GRB14: variants seen among roughly 807,000 people sequenced by gnomAD.
The protein encoded by GRB14 is growth factor receptor-bound protein 14.
A neutral mutation model predicts 69.1 loss-of-function variants in GRB14; 38 were observed. The observed-to-expected ratio is 0.55, with a 90% CI of 0.42 to 0.72. The LOEUF (loss-of-function observed/expected upper bound fraction) is 0.72. Among genes scored for constraint, GRB14 ranks in the 30% least tolerant of loss-of-function variants. The probability of loss-of-function intolerance (pLI) is 0.00; values close to 1 mark genes in which losing one functional copy is unlikely to be tolerated. For synonymous variants in GRB14, 247 were observed against 241.3 expected, an observed-to-expected ratio of 1.02 and a Z score of -0.22; for missense variants, 666 against 666.1, an observed-to-expected ratio of 1.00 and a Z score of 0.00.
At chr2:164,560,589 TG>T (rs969071720) in intron 2 of GRB14, among the ~76,000 whole-genome samples, 2 of 151,964 alleles carry the variant, frequency 1.3e-5, no homozygotes, top group African/African-American at 2.4e-5. Context: ...TAAGAAGGAT[TG>T]GGGGGGCATA....
At chr2:164,606,344 T>C (rs1470755110) in intron 2 of GRB14, among the ~76,000 whole-genome samples, 1 of 152,204 alleles carries the variant, frequency 6.6e-6, no homozygotes, top group Non-Finnish European at 1.5e-5. Context: ...TCATTTCTTC[T>C]TTCAATTTTT....
At chr2:164,601,912 A>T (rs1689922041) in intron 2 of GRB14, among the ~76,000 whole-genome samples, 1 of 151,934 alleles carries the variant, frequency 6.6e-6, no homozygotes, top group African/African-American at 2.4e-5. Flanking sequence ...ATATCTAGAA[A>T]TAAACTAATC....
chr2:164,585,593 T>A (rs1414704763), intron 2 of GRB14, among the ~76,000 whole-genome samples: 1 of 152,140 alleles, frequency 6.6e-6, no homozygotes, highest in African/African-American at 2.4e-5. Flanking sequence ...ACCAAAAAAA[T>A]GATAACTATA....
intron 2 of GRB14, among the ~76,000 whole-genome samples, chr2:164,603,617 C>A (rs1337983720): frequency 6.7e-6 from 1 of 149,372 alleles, no homozygotes; most frequent in Non-Finnish European, 1.5e-5. Context: ...GAGCCAAGGT[C>A]GAGCCACTGC....
chr2:164,584,298 C>T lies in GRB14; in HGVS notation c.324+35389G>A, dbSNP rs576316101. On this transcript the variant is annotated intron_variant, in intron 2 of 13. Transcript: ENST00000263915. ...AGGATTACAGGCGTGAACCACCGCA[C>T]CAGGCCAGCATTGCAATTAATTCAA... Among the ~76,000 whole-genome samples the T allele has an allele frequency of 8.5e-4, 129 of 151,660 alleles. 1 individual carries two copies. The highest frequency in any genetic ancestry group is 3.0e-3 in the African/African-American group (126 of 41,350).
At chr2:164,545,401 C>T (rs1327649358) in intron 3 of GRB14, among the ~76,000 whole-genome samples, 1 of 151,746 alleles carries the variant, frequency 6.6e-6, no homozygotes, top group Non-Finnish European at 1.5e-5. Context: ...CGAAATGTTA[C>T]CGCTTTTATA....
At chr2:164,520,034 A>G (rs1459525386) in intron 6 of GRB14, among the ~76,000 whole-genome samples, 1 of 152,128 alleles carries the variant, frequency 6.6e-6, no homozygotes, top group Non-Finnish European at 1.5e-5. Flanking sequence ...GTATGGAACC[A>G]AAAAAGAGCC....
chr2:164,547,350 CAAT>C lies in GRB14; in HGVS notation c.481+307_481+309del, dbSNP rs377657476. Among the ~76,000 whole-genome samples, 69 of 152,176 alleles carry C rather than the reference CAAT, an allele frequency of 4.5e-4. No homozygotes were observed. In the East Asian group the frequency reaches 0.01, roughly 23 times the overall value. ...TCAGATATTTATAAGATAAATTTAA[CAAT>C]GAGATTGAATTTTTTAAAAAATACA... On this transcript the variant is annotated intron_variant, in intron 3 of 13. Coordinates refer to ENST00000263915, the MANE Select transcript of GRB14 (RefSeq NM_004490.3).
chr2:164,591,560 T>C (rs1689664079), intron 2 of GRB14, among the ~76,000 whole-genome samples: 1 of 152,188 alleles, frequency 6.6e-6, no homozygotes, highest in African/African-American at 2.4e-5. Context: ...TTGCTAATTT[T>C]CAGAGTACAG....
chr2:164,541,477 AAATAATAATAATAAAT>A (rs1466480325), intron 3 of GRB14, among the ~76,000 whole-genome samples: 1 of 151,390 alleles, frequency 6.6e-6, no homozygotes, highest in Non-Finnish European at 1.5e-5. Flanking sequence ...CGTCTCCAAA[AAATAATAATAATAAAT>A]AATAATAATA....
intron 2 of GRB14, among the ~76,000 whole-genome samples, chr2:164,589,495 A>G (rs909277974): frequency 1.3e-5 from 2 of 152,134 alleles, no homozygotes; most frequent in Admixed American, 6.5e-5. Context: ...TAATGGTGGA[A>G]GGCAAAGGGG....
chr2:164,540,535 G>A (rs1392826169), intron 3 of GRB14, among the ~76,000 whole-genome samples: 1 of 152,088 alleles, frequency 6.6e-6, no homozygotes, highest in Admixed American at 6.6e-5. Context: ...CTTGAACCTG[G>A]GGGGTGGAGG....
chr2:164,573,792 G>C (rs1689177043), intron 2 of GRB14: 2 of 1,612,630 alleles, frequency 1.2e-6, no homozygotes, highest in Non-Finnish European at 1.7e-6. Context: ...CAGTGTATCA[G>C]CATTAACATG....
chr2:164,605,974 G>A (rs1690031062), intron 2 of GRB14, among the ~76,000 whole-genome samples: 1 of 152,118 alleles, frequency 6.6e-6, no homozygotes, highest in Non-Finnish European at 1.5e-5. Flanking sequence ...GAAAGTAATT[G>A]TACAGCCTTT....
At chr2:164,556,246 T>C (rs1688675324) in intron 2 of GRB14, among the ~76,000 whole-genome samples, 1 of 152,210 alleles carries the variant, frequency 6.6e-6, no homozygotes, top group South Asian at 2.1e-4. Flanking sequence ...ACTGCTTTCT[T>C]ATTGCTATCC....
chr2:164,528,897 A>C (rs1687850312), intron 3 of GRB14, among the ~76,000 whole-genome samples: 1 of 152,158 alleles, frequency 6.6e-6, no homozygotes, highest in Non-Finnish European at 1.5e-5. Context: ...CAGCAATTTC[A>C]CTTCTGGCTG....
intron 3 of GRB14, among the ~76,000 whole-genome samples, chr2:164,532,885 A>C (rs933725238): frequency 1.3e-5 from 2 of 152,182 alleles, no homozygotes; most frequent in Admixed American, 6.5e-5. Context: ...ATATGGACCC[A>C]CCCTCTGCCC....
At chr2:164,529,732 C>T (rs1687872883) in intron 3 of GRB14, among the ~76,000 whole-genome samples, 1 of 152,194 alleles carries the variant, frequency 6.6e-6, no homozygotes, top group African/African-American at 2.4e-5. Flanking sequence ...CTTCAAGCCT[C>T]TACTTTCTCA....
chr2:164,510,317 A>T (rs1015203374), intron 6 of GRB14, among the ~76,000 whole-genome samples: 5 of 152,188 alleles, frequency 3.3e-5, no homozygotes, highest in African/African-American at 1.2e-4. Flanking sequence ...GCTAAGGCTT[A>T]TGGCACTATA....
Sources: gnomAD v4.1 joint callset for allele counts (sites outside exome capture counted in the v4.1 genomes callset) on GRCh38, gnomAD v4.1.1 for gene constraint, MANE v1.5 for transcripts, NCBI Gene and HGNC (gene_info 2026-07-23, HGNC 2026-07-21) for gene names.